FAM3C: variants seen among roughly 807,000 people sequenced by gnomAD.
The protein encoded by FAM3C is protein FAM3C.
A neutral mutation model predicts 32.5 loss-of-function variants in FAM3C; 15 were observed. The ratio of observed to expected loss-of-function variants is 0.46; its 90% confidence interval spans 0.31 to 0.71. FAM3C has a LOEUF of 0.71. FAM3C is among the 30% of genes least tolerant of loss of function. The pLI is 0.05. For missense variants in FAM3C, 175 were observed against 274.4 expected, an observed-to-expected ratio of 0.64 and a Z score of 2.56; for synonymous variants, 75 against 86.1, an observed-to-expected ratio of 0.87 and a Z score of 0.72.
intron 3 of FAM3C, among the ~76,000 whole-genome samples, chr7:121,376,462 AGG>A (rs1207954309): frequency 6.6e-6 from 1 of 152,206 alleles, no homozygotes; most frequent in Non-Finnish European, 1.5e-5. Context: ...AGTGCAGTAC[AGG>A]TTTAAGTATC....
intron 5 of FAM3C, among the ~76,000 whole-genome samples, chr7:121,367,286 T>C (rs1370214127): frequency 6.6e-6 from 1 of 152,228 alleles, no homozygotes; most frequent in Admixed American, 6.5e-5. Flanking sequence ...AGCTACTTCA[T>C]GTCCTAGTTA....
At chr7:121,360,975 T>TACA (rs946974172) in intron 7 of FAM3C, among the ~76,000 whole-genome samples, 3 of 152,226 alleles carry the variant, frequency 2.0e-5, no homozygotes, top group African/African-American at 7.2e-5. Context: ...AAAATACATA[T>TACA]ACACACAGAT....
At chr7:121,374,897 T>C (rs1446232588) in intron 3 of FAM3C, among the ~76,000 whole-genome samples, 3 of 152,218 alleles carry the variant, frequency 2.0e-5, no homozygotes, top group Non-Finnish European at 4.4e-5. Context: ...TTCCAACTAA[T>C]ACAGCTTTAT....
chr7:121,355,850 C>T (rs1793797568), intron 8 of FAM3C, among the ~76,000 whole-genome samples: 1 of 152,138 alleles, frequency 6.6e-6, no homozygotes, highest in Admixed American at 6.5e-5. Context: ...TAGACATAAG[C>T]ATGACTTTGA....
intron 8 of FAM3C, among the ~76,000 whole-genome samples, chr7:121,355,917 C>T (rs933642523): frequency 7.2e-5 from 11 of 151,892 alleles, no homozygotes; most frequent in African/African-American, 2.2e-4. Flanking sequence ...AGAATCAAGA[C>T]CAAGTGGGCC....
Position 121,355,741 on chromosome 7 carries a change from G to C in FAM3C, c.467+4302C>G, listed in dbSNP as rs113418549. ...GGGTACACTGGCAACTGTTTGAAAA[G>C]TAGTTTCTGCAGCTGATTAACAGAT... On this transcript the variant is annotated intron_variant, in intron 8 of 9. Transcript: ENST00000359943. 3.1e-3 allele frequency among the ~76,000 whole-genome samples: 465 copies of C among 152,294 alleles called. 4 individuals carry two copies. Among genetic ancestry groups the C allele is most frequent in the African/African-American group, 0.01 (422 of 41,564 alleles).
chr7:121,395,867 G>T (rs1794682695), intron 1 of FAM3C, among the ~76,000 whole-genome samples: 1 of 151,018 alleles, frequency 6.6e-6, no homozygotes, highest in East Asian at 2.0e-4. Flanking sequence ...AGGCCGGGGC[G>T]CCGAGTGCCA....
intron 5 of FAM3C, among the ~76,000 whole-genome samples, chr7:121,365,699 A>G (rs1794011321): frequency 6.6e-6 from 1 of 152,124 alleles, no homozygotes; most frequent in Non-Finnish European, 1.5e-5. Flanking sequence ...GTTTCAACAT[A>G]CCAAATAAAG....
intron 3 of FAM3C, among the ~76,000 whole-genome samples, chr7:121,377,998 ATAAT>A (rs1405695170): frequency 6.6e-6 from 1 of 152,234 alleles, no homozygotes; most frequent in Non-Finnish European, 1.5e-5. Flanking sequence ...CCTTGGTTAA[ATAAT>A]TGTTTTCCAC....
intron 4 of FAM3C, 80 bp downstream of exon 4, chr7:121,372,030 C>T (rs978398041): frequency 1.3e-5 from 13 of 1,014,866 alleles, no homozygotes; most frequent in Non-Finnish European, 1.8e-5. Flanking sequence ...TCATACTGAA[C>T]TACTGACACT....
At chr7:121,382,548 G>GTT in intron 2 of FAM3C, among the ~76,000 whole-genome samples, 1 of 108,860 alleles carries the variant, frequency 9.2e-6, no homozygotes. Flanking sequence ...ACAGTCTTTA[G>GTT]GTTTTTTTTT....
intron 4 of FAM3C, among the ~76,000 whole-genome samples, 155 bp from the exon 5 acceptor site, chr7:121,371,578 A>G (rs190905353): frequency 6.2e-4 from 94 of 152,322 alleles, no homozygotes; most frequent in African/African-American, 2.1e-3. Context: ...TGAGGGTTTC[A>G]AAGAACCTCA....
At position 121,354,023 on chromosome 7, in the gene FAM3C, G is replaced by A. The variant is rs575254407; in HGVS notation, c.468-2754C>T. On this transcript the variant is annotated intron_variant, in intron 8 of 9. Transcript: ENST00000359943. ...TTGTCAATGACTTCTAACACTTTCT[G>A]ATCTGCCTATGTAGAATTTGGTTGA... Among the ~76,000 whole-genome samples the A allele has an allele frequency of 5.9e-5, 9 of 152,184 alleles. No individual in the cohort carries two copies. The East Asian group carries it at 1.2e-3, about 20-fold the overall frequency.
chr7:121,356,276 G>A (rs770917853), intron 8 of FAM3C, among the ~76,000 whole-genome samples: 13 of 152,132 alleles, frequency 8.5e-5, no homozygotes, highest in Non-Finnish European at 1.9e-4. Context: ...CATTTTAAGA[G>A]AGACAATAAT....
At chr7:121,358,847 T>G (rs1409337921) in intron 8 of FAM3C, among the ~76,000 whole-genome samples, 1 of 151,886 alleles carries the variant, frequency 6.6e-6, no homozygotes, top group African/African-American at 2.4e-5. Context: ...CTAACAAAAT[T>G]AAAAGCAAAT....
chr7:121,364,510 T>C (rs184584008), intron 5 of FAM3C: 8 of 209,828 alleles, frequency 3.8e-5, no homozygotes, highest in African/African-American at 6.9e-5. Context: ...TCTGCATCAT[T>C]CTTAAGGTAT....
At chr7:121,365,738 G>A (rs1316280682) in intron 5 of FAM3C, among the ~76,000 whole-genome samples, 2 of 151,870 alleles carry the variant, frequency 1.3e-5, no homozygotes, top group Non-Finnish European at 2.9e-5. Context: ...AATTAAAACA[G>A]GAACCAACTA....
At chr7:121,362,134 C>T (rs2536167) in intron 7 of FAM3C, among the ~76,000 whole-genome samples, 38,660 of 151,926 alleles carry the variant, frequency 0.25, 5,872 homozygotes, top group African/African-American at 0.43. Flanking sequence ...GATCAATCTC[C>T]CAAATTAAAG....
In FAM3C at chr7:121,361,304, T is replaced by C. The variant is rs78049406; in HGVS notation, c.383-1177A>G. On this transcript the variant is annotated intron_variant, in intron 7 of 9. Transcript: ENST00000359943. ...ACTCAGTTTCTTTCCACAGCAAAGA[T>C]GCCAAAGATTTTCGATAACTGATTA... Among the ~76,000 whole-genome samples, 289 of 152,346 alleles carry C rather than the reference T, an allele frequency of 1.9e-3. 2 individuals are homozygous for C. Among genetic ancestry groups the C allele is most frequent in the Non-Finnish European group, 3.6e-3 (246 of 68,024 alleles).
Sources: allele counts gnomAD v4.1 joint callset (sites outside exome capture counted in the v4.1 genomes callset), GRCh38; gene constraint gnomAD v4.1.1; transcripts MANE v1.5; gene names NCBI Gene and HGNC (gene_info 2026-07-23, HGNC 2026-07-21).